Variants in MAD1L1 observed in about 807,000 individuals in gnomAD.
The protein encoded by MAD1L1 is mitotic arrest deficient 1 like 1, also known as mitotic spindle assembly checkpoint protein MAD1.
In MAD1L1, 95 loss-of-function variants were observed where a neutral mutation model predicts 96.9. The observed-to-expected ratio is 0.98, with a 90% confidence interval of 0.83 to 1.16. The LOEUF is 1.16. Among genes scored for constraint, MAD1L1 ranks in the 50% most tolerant of loss-of-function variants. The pLI, the probability that MAD1L1 is intolerant of heterozygous loss-of-function variation, is 0.00. For missense variants in MAD1L1, 1,007 were observed against 954.4 expected (o/e 1.06, Z -0.73); for synonymous variants, 473 against 396.6 (o/e 1.19, Z -2.29).
rs892584305 is a variant in MAD1L1 at position 2,114,749 on chromosome 7, G to A, written c.1073+34403C>T. The stretch of plus-strand genomic sequence containing the variant: ...ATCGCCGCTGCCGCTCTCACAGCAC[G>A]ATGGCAGAGTTCAGCGTCTTCGACA... On this transcript the variant is annotated intron_variant, in intron 11 of 18. Transcript: ENST00000265854. The surrounding 1 kb of genome is among the most constrained non-coding windows in gnomAD (Gnocchi z 4.2). Among the ~76,000 whole-genome samples, 29 of 152,154 alleles carry A rather than the reference G, an allele frequency of 1.9e-4. No homozygotes were observed. The highest frequency in any genetic ancestry group is 9.8e-4 in the Admixed American group (15 of 15,274).
intron 17 of MAD1L1, among the ~76,000 whole-genome samples, chr7:1,922,986 G>C (rs762599753): frequency 2.2e-4 from 33 of 152,346 alleles, no homozygotes; most frequent in South Asian, 4.1e-4. Context: ...GTGTTCTTCA[G>C]TTTTGCCACT....
At chr7:1,982,064 C>T (rs73275258) in intron 14 of MAD1L1, among the ~76,000 whole-genome samples, 5,132 of 152,156 alleles carry the variant, frequency 0.034, 188 homozygotes, top group East Asian at 0.085. Context: ...ATGTTCCTTC[C>T]GGAGGCTGCT....
At chr7:2,219,916 C>T (rs1485087879) in intron 5 of MAD1L1, among the ~76,000 whole-genome samples, 2 of 152,164 alleles carry the variant, frequency 1.3e-5, no homozygotes, top group African/African-American at 4.8e-5. Context: ...AAAGCCTCCA[C>T]CAGCCAAGAT....
In MAD1L1 at chr7:2,149,234, G is replaced by C; in HGVS notation, c.991C>G (p.Pro331Ala). The change falls in exon 11 of 19, where the codon CCA becomes GCA. Residue 331 changes from proline (P) to alanine (A), a missense_variant. Pro to Ala is a conservative substitution (Grantham distance 27). Coordinates refer to ENST00000265854, the MANE Select transcript of MAD1L1 (RefSeq NM_001013836.2). ...DQTMGLSIRT[P>A]EDLSRFVVEL... ...ACCACGAATCTGGAAAGGTCTTCTG[G>C]AGTCCTGCAGGATAAACAAGGCACA... 6.2e-7 allele frequency: 1 copy of C among 1,613,426 alleles called. No homozygotes were observed. The highest frequency in any genetic ancestry group is 8.5e-7 in the Non-Finnish European group (1 of 1,179,550).
At chr7:2,218,504 T>C (rs1624785) in intron 6 of MAD1L1, among the ~76,000 whole-genome samples, 103,345 of 152,172 alleles carry the variant, frequency 0.68, 36,045 homozygotes, top group African/African-American at 0.83. Flanking sequence ...GTCTCCTGAC[T>C]GCACCTCCAG....
chr7:1,909,692 T>C (rs73048162), intron 17 of MAD1L1, among the ~76,000 whole-genome samples: 68,756 of 152,046 alleles, frequency 0.45, 15,802 homozygotes, highest in Admixed American at 0.55. Context: ...GCAGGCATCA[T>C]GGTCCCCAGG....
intron 18 of MAD1L1, among the ~76,000 whole-genome samples, chr7:1,867,348 C>CCCG (rs1554277470): frequency 3.3e-5 from 5 of 152,124 alleles, no homozygotes; most frequent in African/African-American, 1.2e-4. Flanking sequence ...GCAGGACCCC[C>CCCG]CCGGAAGATG....
In MAD1L1 at chr7:2,049,406, G is replaced by A. The variant is rs529103399; in HGVS notation, c.1218+19788C>T. ...CCCACTCCATGGCCTCTGCTGACTCGGAGCCGACTCAGTAGGTGGCTCATG... is the reference window on the plus strand; with the variant it reads ...CCCACTCCATGGCCTCTGCTGACTCAGAGCCGACTCAGTAGGTGGCTCATG... On this transcript the variant is annotated intron_variant, in intron 12 of 18. Transcript: ENST00000265854. Among the ~76,000 whole-genome samples, 70 of 152,326 alleles carry A rather than the reference G, an allele frequency of 4.6e-4. 2 individuals carry two copies. The South Asian group carries it at 0.014, about 31-fold the overall frequency.
chr7:1,967,631 G>C (rs4721258), intron 15 of MAD1L1, among the ~76,000 whole-genome samples: 5,141 of 152,312 alleles, frequency 0.034, 195 homozygotes, highest in East Asian at 0.086. Context: ...GAAGGCTCCG[G>C]GCTCCCTGGA....
intron 18 of MAD1L1, among the ~76,000 whole-genome samples, chr7:1,835,953 G>C (rs1782917937): frequency 6.6e-6 from 1 of 152,238 alleles, no homozygotes; most frequent in Non-Finnish European, 1.5e-5. Context: ...GCACTGGTGG[G>C]AGTGTCGTGT....
At chr7:2,028,370 A>G (rs1306077839) in intron 12 of MAD1L1, among the ~76,000 whole-genome samples, 1 of 149,240 alleles carries the variant, frequency 6.7e-6, no homozygotes, top group Admixed American at 6.8e-5. Flanking sequence ...GCTTGCAGTG[A>G]GCCGAGATCA....
chr7:1,926,244 T>C (rs1789081907), intron 17 of MAD1L1, among the ~76,000 whole-genome samples: 1 of 152,226 alleles, frequency 6.6e-6, no homozygotes, highest in South Asian at 2.1e-4. Flanking sequence ...TCACTATTCC[T>C]GTAATGATTA....
intron 14 of MAD1L1, among the ~76,000 whole-genome samples, chr7:1,995,048 A>G (rs1281583975): frequency 6.6e-6 from 1 of 152,220 alleles, no homozygotes; most frequent in Non-Finnish European, 1.5e-5. Context: ...ACAGATGCGC[A>G]GCCACAGGGT....
intron 10 of MAD1L1, among the ~76,000 whole-genome samples, chr7:2,198,402 AC>A (rs35076458): frequency 1.3e-5 from 2 of 151,418 alleles, no homozygotes; most frequent in African/African-American, 4.9e-5. Flanking sequence ...CCAGGTACAC[AC>A]CCCCCTTCAA....
In MAD1L1 at chr7:2,014,554, C is replaced by T. The variant is rs140460596; in HGVS notation, c.1307G>A (p.Arg436Gln). The change falls in exon 13 of 19, where the codon CGG (arginine) becomes CAG (glutamine). Residue 436 changes from arginine (R) to glutamine (Q), a missense_variant. Coordinates refer to ENST00000265854, the MANE Select transcript of MAD1L1 (RefSeq NM_001013836.2). ...CTTCTGCACCATATCCTCAGCCTCC[C>T]GCATGCGCCGCGTCAGCTGGGGTGA... ...EYSPQLTRRM[R>Q]EAEDMVQKVH... 171 of 1,611,006 alleles carry T rather than the reference C, an allele frequency of 1.1e-4. 1 individual carries two copies. The African/African-American group carries it at 1.4e-3, about 14-fold the overall frequency.
At chr7:2,042,352 T>C (rs914513061) in intron 12 of MAD1L1, among the ~76,000 whole-genome samples, 9 of 151,848 alleles carry the variant, frequency 5.9e-5, no homozygotes, top group Admixed American at 2.6e-4. Context: ...GACACACACA[T>C]GGGCACACAG....
At chr7:2,182,339 T>A (rs1410083940) in intron 10 of MAD1L1, among the ~76,000 whole-genome samples, 2 of 151,272 alleles carry the variant, frequency 1.3e-5, no homozygotes, top group Non-Finnish European at 3.0e-5. Context: ...AAAAAAGACA[T>A]CATAATAAGG....
chr7:1,988,190 G>A (rs1272798969), intron 14 of MAD1L1, among the ~76,000 whole-genome samples: 1 of 152,198 alleles, frequency 6.6e-6, no homozygotes, highest in Non-Finnish European at 1.5e-5. Flanking sequence ...CAAGGAGAGG[G>A]CCCTGCTGAA....
chr7:1,907,331 T>A (rs560271494), intron 17 of MAD1L1, among the ~76,000 whole-genome samples: 11 of 152,314 alleles, frequency 7.2e-5, no homozygotes, highest in African/African-American at 2.6e-4. Flanking sequence ...CAACTCTCGA[T>A]TTAGGGACTG....
Sources: allele counts gnomAD v4.1 joint callset (sites outside exome capture counted in the v4.1 genomes callset), GRCh38; gene constraint gnomAD v4.1.1; non-coding constraint Gnocchi (gnomAD v3.1); transcripts MANE v1.5; gene names NCBI Gene and HGNC (gene_info 2026-07-23, HGNC 2026-07-21).